Variants in MAP3K3 observed in about 807,000 individuals in gnomAD.
MAP3K3 encodes the protein mitogen-activated protein kinase kinase kinase 3.
MAP3K3 carries 12 observed loss-of-function variants against 80.9 expected under a neutral mutation model. The observed-to-expected ratio is 0.15, with a 90% CI of 0.10 to 0.24. The LOEUF (loss-of-function observed/expected upper bound fraction) is 0.24, where lower values mean the gene tolerates loss of function less well. MAP3K3 is among the 10% of genes least tolerant of loss of function. The pLI is 1.00. For synonymous variants in MAP3K3, 272 were observed against 307.1 expected (o/e 0.89, Z 1.19); for missense variants, 596 against 834.7 (o/e 0.71, Z 3.52).
At chr17:63,660,282 C>T (rs1203436466) in intron 5 of MAP3K3, among the ~76,000 whole-genome samples, 2 of 152,128 alleles carry the variant, frequency 1.3e-5, no homozygotes, top group African/African-American at 2.4e-5. Context: ...CTCACCACAG[C>T]CTCAACCTCC....
intron 1 of MAP3K3, among the ~76,000 whole-genome samples, chr17:63,626,716 A>C (rs1303297759): frequency 1.3e-5 from 2 of 152,216 alleles, no homozygotes; most frequent in Non-Finnish European, 2.9e-5. Flanking sequence ...AGGCAGTGGA[A>C]GTATGTGGAA....
chr17:63,692,489 C>A lies in MAP3K3; in HGVS notation c.1652+70C>A. On this transcript the variant is annotated intron_variant, in intron 15 of 15. Transcript: ENST00000361733. This position sits in a 1 kb window ranked among gnomAD's most constrained non-coding sequence, Gnocchi z 4.5. ...AGTGGCCCCCCATTAGAAACACACC[C>A]TGGGGACTTTGTGGTGTGGCAGGAG... is the stretch of plus-strand genomic sequence containing the variant. The A allele has an allele frequency of 6.8e-7, 1 of 1,479,214 alleles. No homozygotes were observed. The allele number at this position is 1,479,214 out of a possible 1,614,324, so 91.6% of individuals were successfully genotyped here.
chr17:63,664,186 G>A (rs906344595), intron 5 of MAP3K3, among the ~76,000 whole-genome samples: 1 of 142,308 alleles, frequency 7.0e-6, no homozygotes, highest in Admixed American at 7.2e-5. Context: ...GGCGGAGCTT[G>A]CAGTGAGCCG....
At chr17:63,685,773 T>C (rs551249551) in intron 8 of MAP3K3, among the ~76,000 whole-genome samples, 183 bp downstream of exon 8, 1 of 152,376 alleles carries the variant, frequency 6.6e-6, no homozygotes, top group African/African-American at 2.4e-5. Context: ...AATGTAATAA[T>C]AGCTCATAAA....
At position 63,634,734 on chromosome 17, in the gene MAP3K3, C is replaced by G. The variant is rs773951930; in HGVS notation, c.126+1932C>G. 3.7e-6 allele frequency: 6 copies of G among 1,613,680 alleles called. No homozygotes were observed. The Admixed American group carries it at 1.0e-4, about 27-fold the overall frequency. On this transcript the variant is annotated intron_variant, in intron 2 of 15. Transcript: ENST00000361733. ...AAAAAACACAACAGCAGCAGCTCAGCCCTTCTGAACAGCCCCACAGTAACA... is the reference window on the plus strand; with the variant it reads ...AAAAAACACAACAGCAGCAGCTCAGGCCTTCTGAACAGCCCCACAGTAACA...
chr17:63,632,455 G>A (rs2034236129), intron 1 of MAP3K3, among the ~76,000 whole-genome samples: 3 of 152,152 alleles, frequency 2.0e-5, no homozygotes, highest in Admixed American at 2.0e-4. Flanking sequence ...TCACGCCACT[G>A]CACTCCAGCC....
intron 6 of MAP3K3, among the ~76,000 whole-genome samples, chr17:63,669,318 T>TA (rs1335309054): frequency 1.3e-5 from 2 of 152,052 alleles, no homozygotes; most frequent in Admixed American, 6.6e-5. Flanking sequence ...GGCTGGCTGA[T>TA]ACATTTGGAG....
chr17:63,646,420 G>A (rs2034542331), intron 3 of MAP3K3, among the ~76,000 whole-genome samples: 1 of 152,216 alleles, frequency 6.6e-6, no homozygotes, highest in Admixed American at 6.5e-5. Context: ...GGGCATTAGA[G>A]GGAGGGCAGG....
chr17:63,652,940 T>C (rs991445717), intron 4 of MAP3K3, among the ~76,000 whole-genome samples: 1 of 152,228 alleles, frequency 6.6e-6, no homozygotes, highest in Non-Finnish European at 1.5e-5. Flanking sequence ...GGGCTTATAC[T>C]GTCTCCTTTA....
intron 5 of MAP3K3, among the ~76,000 whole-genome samples, chr17:63,663,665 A>G (rs1239404675): frequency 6.6e-6 from 1 of 152,188 alleles, no homozygotes; most frequent in African/African-American, 2.4e-5. Context: ...ATCTTAGAAC[A>G]AAAAAGAAAT....
At chr17:63,656,620 A>G (rs1256817705) in intron 4 of MAP3K3, among the ~76,000 whole-genome samples, 1 of 152,146 alleles carries the variant, frequency 6.6e-6, no homozygotes, top group Non-Finnish European at 1.5e-5. Flanking sequence ...AATAAGAAGA[A>G]TAAGAATAAG....
At chr17:63,640,988 A>T (rs1314859877) in intron 2 of MAP3K3, among the ~76,000 whole-genome samples, 1 of 152,156 alleles carries the variant, frequency 6.6e-6, no homozygotes, top group Non-Finnish European at 1.5e-5. Context: ...TGATTTATAG[A>T]ACATCTACCA....
At chr17:63,687,949 C>T (rs2035494639) in intron 8 of MAP3K3, among the ~76,000 whole-genome samples, 1 of 151,888 alleles carries the variant, frequency 6.6e-6, no homozygotes, top group Non-Finnish European at 1.5e-5. Context: ...AAAAAAAAGT[C>T]TGGCCCTGTC....
chr17:63,665,616 G>A (rs1301166535), intron 5 of MAP3K3, among the ~76,000 whole-genome samples: 1 of 152,176 alleles, frequency 6.6e-6, no homozygotes, highest in Non-Finnish European at 1.5e-5. Flanking sequence ...CTCTTTGTGA[G>A]TGCAAGACTA....
Position 63,693,807 on chromosome 17 carries a change from C to A in MAP3K3, c.*30C>A. ...TCACGGCCACACAGCTGCCGGTCGC[C>A]CTTTGCTGCATGGCAGGGGGCTGCT... On this transcript the variant is annotated 3_prime_UTR_variant, in exon 16 of 16. Coordinates refer to ENST00000361733, the MANE Select transcript of MAP3K3 (RefSeq NM_002401.5). The surrounding 1 kb of genome is among the most constrained non-coding windows in gnomAD (Gnocchi z 4.2). 6.4e-7 allele frequency: 1 copy of A among 1,573,114 alleles called. No individual in the cohort carries two copies. Among genetic ancestry groups the A allele is most frequent in the Non-Finnish European group, 8.7e-7 (1 of 1,154,882 alleles).
chr17:63,628,227 C>CT (rs1297385261), intron 1 of MAP3K3, among the ~76,000 whole-genome samples: 2 of 151,748 alleles, frequency 1.3e-5, no homozygotes, highest in South Asian at 2.1e-4. Flanking sequence ...CTTAAAGAAT[C>CT]TTTAGTCTGT....
rs1014081494 is a variant in MAP3K3, at chr17:63,691,091, C to T, written c.1213-11C>T. 6.2e-7 allele frequency: 1 copy of T among 1,613,744 alleles called. No homozygotes were observed. The highest frequency in any genetic ancestry group is 8.5e-7 in the Non-Finnish European group (1 of 1,179,908). On this transcript the variant is annotated splice_polypyrimidine_tract_variant and intron_variant, in intron 12 of 15. Coordinates refer to ENST00000361733, the MANE Select transcript of MAP3K3 (RefSeq NM_002401.5). The surrounding 1 kb of genome is among the most constrained non-coding windows in gnomAD (Gnocchi z 4.8). ...CCTGAGAGCTGAGGCGACCACTGAC[C>T]CCTCCCCTAGGAGGTGAGTGCTCTG...
In MAP3K3 at chr17:63,652,544, T is replaced by C. The variant is rs1032637719; in HGVS notation, c.168-13T>C. On this transcript the variant is annotated splice_polypyrimidine_tract_variant and intron_variant, in intron 3 of 15. Transcript: ENST00000361733. ...TATACAATTAACCAACCTTTCTTTC[T>C]GTTTCTTTTCAGAATTATAGCGTTC... The C allele has an allele frequency of 3.1e-6, 5 of 1,591,368 alleles. No individual in the cohort carries two copies. In the South Asian group the frequency reaches 5.5e-5, roughly 18 times the overall value.
chr17:63,668,070 G>T (rs1419053193), intron 6 of MAP3K3: 1 of 151,896 alleles, frequency 6.6e-6, no homozygotes, highest in Non-Finnish European at 1.5e-5. Flanking sequence ...ATCAAACATC[G>T]TGTTGAGCCT....
Sources: allele counts gnomAD v4.1 joint callset (sites outside exome capture counted in the v4.1 genomes callset), GRCh38; gene constraint gnomAD v4.1.1; non-coding constraint Gnocchi (gnomAD v3.1); transcripts MANE v1.5; gene names NCBI Gene and HGNC (gene_info 2026-07-23, HGNC 2026-07-21).